Variants in RYR3 observed in about 807,000 individuals in gnomAD.
RYR3 encodes the protein ryanodine receptor 3, also known as brain ryanodine receptor-calcium release channel.
RYR3 carries 207 observed loss-of-function variants against 584.3 expected under a neutral mutation model. The ratio of observed to expected loss-of-function variants is 0.35; its 90% confidence interval spans 0.32 to 0.40. The LOEUF (loss-of-function observed/expected upper bound fraction) is 0.40, where lower values mean the gene tolerates loss of function less well. RYR3 is among the 10% of genes least tolerant of loss of function. RYR3 has a pLI of 1.00. For missense variants in RYR3, 5,616 were observed against 6,089.2 expected, an observed-to-expected ratio of 0.92 and a Z score of 2.59; for synonymous variants, 2,416 against 2,248.5, an observed-to-expected ratio of 1.07 and a Z score of -2.11.
chr15:33,469,780 C>A (rs1484909568), intron 1 of RYR3, among the ~76,000 whole-genome samples: 2 of 151,992 alleles, frequency 1.3e-5, no homozygotes. Flanking sequence ...AAGCAGGAAG[C>A]CTGAAGAATG....
At chr15:33,818,722 A>G (rs1175921128) in intron 76 of RYR3, 38 bp downstream of exon 76, 1 of 1,471,784 alleles carries the variant, frequency 6.8e-7, no homozygotes, top group South Asian at 1.2e-5. Flanking sequence ...CCCAGGCACC[A>G]GGGATACTTG....
chr15:33,414,622 T>C (rs2141527959), intron 1 of RYR3, among the ~76,000 whole-genome samples: 1 of 152,286 alleles, frequency 6.6e-6, no homozygotes, highest in African/African-American at 2.4e-5. Context: ...TTTATTTTTT[T>C]TGGATGGAGT....
At chr15:33,374,413 C>T (rs966618249) in intron 1 of RYR3, among the ~76,000 whole-genome samples, 18 of 150,720 alleles carry the variant, frequency 1.2e-4, no homozygotes, top group African/African-American at 4.4e-4. Context: ...TATATCTCCA[C>T]CCCCACCCAC....
At position 33,662,163 on chromosome 15, in the gene RYR3, A is replaced by G; in HGVS notation, c.4633A>G (p.Ile1545Val). ...TCGTCCTGTCCTCAGGTGTGTGGATATCCTGGAGCTCTGTGAGCAGGAGGA... is the reference window on the plus strand; with the variant it reads ...TCGTCCTGTCCTCAGGTGTGTGGATGTCCTGGAGCTCTGTGAGCAGGAGGA... ...HIPEENRCVD[I>V]LELCEQEDLM... The change falls in exon 35 of 104, where the codon ATC (isoleucine) becomes GTC (valine). Residue 1545 changes from isoleucine (I) to valine (V), a missense_variant. Ile to Val is a conservative substitution (Grantham distance 29, BLOSUM62 3). This residue lies in a region of RYR3 where 753 missense variants were observed against 741.0 expected (regional missense o/e 1.02). Coordinates refer to ENST00000634891, the MANE Select transcript of RYR3 (RefSeq NM_001036.6). 2 of 1,593,624 alleles carry G rather than the reference A, an allele frequency of 1.3e-6. No individual in the cohort carries two copies. The highest frequency in any genetic ancestry group is 2.3e-5 in the South Asian group (2 of 86,996).
rs561032349 is a variant in RYR3 at position 33,661,738 on chromosome 15, A to G, written c.4623-415A>G. Among the ~76,000 whole-genome samples, 8 of 152,288 alleles carry G rather than the reference A, an allele frequency of 5.3e-5. No homozygotes were observed. In the South Asian group the frequency reaches 1.7e-3, roughly 32 times the overall value. ...ATGGCCCCGGGATTGGGAACCCCTG[A>G]TGTAGACGGTAGACTGACAGAAAGC... On this transcript the variant is annotated intron_variant, in intron 34 of 103. Transcript: ENST00000634891.
At chr15:33,820,159 TAGAG>T (rs1280069852) in intron 77 of RYR3, among the ~76,000 whole-genome samples, 1 of 152,182 alleles carries the variant, frequency 6.6e-6, no homozygotes, top group Non-Finnish European at 1.5e-5. Context: ...GGTTAGAAAC[TAGAG>T]AGAGCTCCCG....
intron 3 of RYR3, among the ~76,000 whole-genome samples, chr15:33,511,564 G>A (rs2053006917): frequency 6.6e-6 from 1 of 151,190 alleles, no homozygotes; most frequent in Admixed American, 6.6e-5. Context: ...CCTTTCACTT[G>A]TGAGTGTTCA....
intron 3 of RYR3, among the ~76,000 whole-genome samples, chr15:33,517,913 A>C (rs1324986499): frequency 6.6e-6 from 1 of 151,994 alleles, no homozygotes; most frequent in African/African-American, 2.4e-5. Context: ...ATGAGACTTT[A>C]TTATTTTTAT....
At chr15:33,701,917 TG>T (rs2066332247) in intron 42 of RYR3, among the ~76,000 whole-genome samples, 4 of 152,074 alleles carry the variant, frequency 2.6e-5, no homozygotes, top group Admixed American at 2.6e-4. Flanking sequence ...ACAGAGTACC[TG>T]GGGGATGTGG....
chr15:33,455,280 C>T (rs1437434986), intron 1 of RYR3, among the ~76,000 whole-genome samples: 1 of 152,098 alleles, frequency 6.6e-6, no homozygotes, highest in Non-Finnish European at 1.5e-5. Flanking sequence ...GTCAGGGCAT[C>T]CAAAGGACCG....
chr15:33,557,574 G>A (rs559850708), intron 10 of RYR3, among the ~76,000 whole-genome samples: 1 of 151,982 alleles, frequency 6.6e-6, no homozygotes, highest in African/African-American at 2.4e-5. Flanking sequence ...TAGTAGAGAT[G>A]GGGTTTCACC....
At chr15:33,405,348 C>T (rs1376826999) in intron 1 of RYR3, among the ~76,000 whole-genome samples, 1 of 152,146 alleles carries the variant, frequency 6.6e-6, no homozygotes, top group Non-Finnish European at 1.5e-5. Flanking sequence ...ACCTTATAAA[C>T]TGTCCTGTGT....
At chr15:33,336,540 G>A (rs533680159) in intron 1 of RYR3, among the ~76,000 whole-genome samples, 3,143 of 23,918 alleles carry the variant, frequency 0.13, 1,023 homozygotes, top group African/African-American at 0.39. Context: ...GAGGGAAGGA[G>A]GGAAGGAGGG....
chr15:33,377,820 G>T lies in RYR3; in HGVS notation c.51+66724G>T, dbSNP rs182560111. Among the ~76,000 whole-genome samples, 364 of 151,988 alleles carry T rather than the reference G, an allele frequency of 2.4e-3. 3 individuals carry two copies. The highest frequency in any genetic ancestry group is 8.4e-3 in the African/African-American group (347 of 41,440). On this transcript the variant is annotated intron_variant, in intron 1 of 103. Coordinates refer to ENST00000634891, the MANE Select transcript of RYR3 (RefSeq NM_001036.6). The stretch of plus-strand genomic sequence containing the variant: ...TTTTTTTCCCCCCTTTGGATATAGG[G>T]TCTCGTTATATCACCCAGGCTGGAG...
intron 67 of RYR3, among the ~76,000 whole-genome samples, chr15:33,794,613 C>T (rs979051438): frequency 2.6e-5 from 4 of 151,952 alleles, no homozygotes; most frequent in Admixed American, 6.6e-5. Flanking sequence ...TGTACTTATG[C>T]GGTGTTTGAC....
intron 94 of RYR3, chr15:33,850,001 A>G (rs1047848703): frequency 6.6e-5 from 10 of 152,170 alleles, no homozygotes; most frequent in Admixed American, 5.2e-4. Flanking sequence ...GAATAGTTTA[A>G]TCCTTTGGTA....
chr15:33,546,723 A>G (rs2056270066), intron 8 of RYR3, among the ~76,000 whole-genome samples: 1 of 152,234 alleles, frequency 6.6e-6, no homozygotes, highest in African/African-American at 2.4e-5. Flanking sequence ...CCGAGATCAC[A>G]CAGCTACCAG....
intron 2 of RYR3, among the ~76,000 whole-genome samples, chr15:33,486,589 G>GA (rs373762523): frequency 3.1e-4 from 47 of 152,114 alleles, no homozygotes; most frequent in African/African-American, 1.1e-3. Context: ...AAATCACTAG[G>GA]AGCAGAAATG....
intron 46 of RYR3, among the ~76,000 whole-genome samples, chr15:33,728,092 C>A (rs1254363160): frequency 6.6e-6 from 1 of 152,158 alleles, no homozygotes; most frequent in Non-Finnish European, 1.5e-5. Flanking sequence ...ACATATTAAA[C>A]TTAATCTGTC....
Sources: allele counts gnomAD v4.1 joint callset (sites outside exome capture counted in the v4.1 genomes callset), GRCh38; gene constraint gnomAD v4.1.1; regional missense constraint gnomAD v4.1.1; transcripts MANE v1.5; gene names NCBI Gene and HGNC (gene_info 2026-07-23, HGNC 2026-07-21).